ZNF253: variants seen among roughly 807,000 people sequenced by gnomAD.
ZNF253 encodes the protein zinc finger protein 253.
A neutral mutation model predicts 11.9 loss-of-function variants in ZNF253; 8 were observed. The observed-to-expected ratio is 0.67, with a 90% CI of 0.40 to 1.22. ZNF253 has a LOEUF of 1.22. Ranked by LOEUF, ZNF253 falls within the 50% of genes most tolerant of loss-of-function variation. The pLI, the probability that ZNF253 is intolerant of heterozygous loss-of-function variation, is 0.01. For synonymous variants in ZNF253, 194 were observed against 194.9 expected (o/e 1.00, Z 0.04); for missense variants, 485 against 586.9 (o/e 0.83, Z 1.79).
chr19:19,879,996 G>A, intron 2 of ZNF253, 55 bp from the exon 3 acceptor site: 1 of 1,282,530 alleles, frequency 7.8e-7, no homozygotes, highest in East Asian at 2.5e-5. Context: ...CACAGTACTA[G>A]CTTGTAATGG....
At chr19:19,876,183 G>A (rs2063155242) in intron 1 of ZNF253, among the ~76,000 whole-genome samples, 1 of 152,172 alleles carries the variant, frequency 6.6e-6, no homozygotes, top group African/African-American at 2.4e-5. Flanking sequence ...CCCAGGGGGA[G>A]CAACATCAGC....
intron 3 of ZNF253, among the ~76,000 whole-genome samples, chr19:19,882,136 C>G (rs1426935440): frequency 6.6e-6 from 1 of 151,488 alleles, no homozygotes; most frequent in East Asian, 1.9e-4. Flanking sequence ...TTGCAGTGAG[C>G]CAAGATCACA....
At chr19:19,881,766 T>C (rs2063178808) in intron 3 of ZNF253, among the ~76,000 whole-genome samples, 1 of 152,174 alleles carries the variant, frequency 6.6e-6, no homozygotes, top group African/African-American at 2.4e-5. Context: ...ATACTGTTTA[T>C]GGTTTTTTAA....
chr19:19,878,763 AT>A, intron 2 of ZNF253, 156 bp downstream of exon 2: 1 of 694,506 alleles, frequency 1.4e-6, no homozygotes, highest in Non-Finnish European at 2.2e-6. Context: ...TTTCTGTATA[AT>A]TTTTATTATG....
intron 3 of ZNF253, among the ~76,000 whole-genome samples, chr19:19,883,381 G>T (rs1244306776): frequency 6.6e-6 from 1 of 152,106 alleles, no homozygotes; most frequent in East Asian, 1.9e-4. Context: ...CGAGGCCAAG[G>T]CAGGAGGATC....
intron 1 of ZNF253, among the ~76,000 whole-genome samples, chr19:19,873,970 G>A (rs58013871): frequency 0.15 from 23,329 of 151,686 alleles, 4,085 homozygotes; most frequent in African/African-American, 0.43. Flanking sequence ...GTGCAATGGC[G>A]GGATCTCAGC....
chr19:19,869,446 C>G (rs1459575911), intron 1 of ZNF253, among the ~76,000 whole-genome samples: 1 of 151,644 alleles, frequency 6.6e-6, no homozygotes, highest in Non-Finnish European at 1.5e-5. Context: ...CTCAGGCAAA[C>G]TCTGCCTCCC....
chr19:19,876,039 C>T (rs1288359815), intron 1 of ZNF253, among the ~76,000 whole-genome samples: 1 of 152,106 alleles, frequency 6.6e-6, no homozygotes, highest in Non-Finnish European at 1.5e-5. Flanking sequence ...TTTAAAGAGC[C>T]AGCAAAGAAT....
Position 19,880,082 on chromosome 19 carries a change from C to G in ZNF253, c.162C>G (p.Thr54=), listed in dbSNP as rs1294598710. 1 of 1,607,508 alleles carries G rather than the reference C, an allele frequency of 6.2e-7. No individual in the cohort carries two copies. The highest frequency in any genetic ancestry group is 1.1e-5 in the South Asian group (1 of 90,076). ...TTGTCTCTAAGCCAGACCTGGTTAC[C>G]TGTCTGGAGCAAGGAAAAAAACCTT... The part of the protein sequence containing the change: ...GIVVSKPDLV[T]CLEQGKKPLT... Residue 54 remains threonine (T), a synonymous_variant, in exon 3 of 4, where the codon ACC becomes ACG. Coordinates refer to ENST00000589717, the MANE Select transcript of ZNF253 (RefSeq NM_021047.3).
chr19:19,887,377 A>G (rs192050156), intron 3 of ZNF253, among the ~76,000 whole-genome samples: 14 of 151,864 alleles, frequency 9.2e-5, no homozygotes, highest in Non-Finnish European at 1.5e-4. Flanking sequence ...GCTCACTGCA[A>G]CCTATGCTTC....
At chr19:19,889,805 AATTTTTGT>A (rs2063221239) in intron 3 of ZNF253, among the ~76,000 whole-genome samples, 1 of 150,822 alleles carries the variant, frequency 6.6e-6, no homozygotes, top group Non-Finnish European at 1.5e-5. Flanking sequence ...ACGCCCAGCT[AATTTTTGT>A]ATTTTTAGTA....
At chr19:19,868,595 TC>T (rs1019917398) in intron 1 of ZNF253, among the ~76,000 whole-genome samples, 4 of 152,038 alleles carry the variant, frequency 2.6e-5, no homozygotes, top group Non-Finnish European at 5.9e-5. Context: ...TTCTGCTTTT[TC>T]CCCCATAAGC....
intron 1 of ZNF253, among the ~76,000 whole-genome samples, chr19:19,878,023 G>T (rs1270841283): frequency 6.6e-6 from 1 of 151,968 alleles, no homozygotes; most frequent in East Asian, 1.9e-4. Flanking sequence ...CATTAGAGAT[G>T]AGCTTGTCAG....
In ZNF253 at chr19:19,892,046, C is replaced by G. The variant is rs200428819; in HGVS notation, c.799C>G (p.Arg267Gly). ...KCEECGKAFN[R>G]STDLTTHKIV... ...TGAAGAATGTGGCAAAGCCTTCAAC[C>G]GATCCACAGACCTTACTACACATAA... Residue 267 changes from arginine to glycine, a missense_variant, in exon 4 of 4, where the codon CGA becomes GGA. Around this residue, in one of 3 missense-constraint regions of ZNF253, gnomAD observed 232 missense variants for 321.4 expected, o/e 0.72. Transcript: ENST00000589717. The G allele has an allele frequency of 6.2e-7, 1 of 1,613,216 alleles. No homozygotes were observed. The highest frequency in any genetic ancestry group is 8.5e-7 in the Non-Finnish European group (1 of 1,179,858).
At chr19:19,886,289 A>C (rs1157081020) in intron 3 of ZNF253, among the ~76,000 whole-genome samples, 5 of 152,222 alleles carry the variant, frequency 3.3e-5, no homozygotes, top group Non-Finnish European at 5.9e-5. Context: ...CACTGTTCCC[A>C]GTATTTTAAA....
At chr19:19,883,199 T>G (rs1428655569) in intron 3 of ZNF253, among the ~76,000 whole-genome samples, 3 of 152,192 alleles carry the variant, frequency 2.0e-5, no homozygotes, top group African/African-American at 7.2e-5. Flanking sequence ...AAAGCACTTT[T>G]GTGATTTGAA....
chr19:19,877,658 A>G (rs2063161162), intron 1 of ZNF253, among the ~76,000 whole-genome samples: 1 of 152,202 alleles, frequency 6.6e-6, no homozygotes, highest in Non-Finnish European at 1.5e-5. Flanking sequence ...TACAGGCGTG[A>G]GCCACCATGC....
At chr19:19,883,619 G>A (rs866563194) in intron 3 of ZNF253, among the ~76,000 whole-genome samples, 11 of 152,130 alleles carry the variant, frequency 7.2e-5, no homozygotes, top group Non-Finnish European at 1.0e-4. Flanking sequence ...TATTCACACT[G>A]TTATGCAAAA....
chr19:19,892,380 A>C lies in ZNF253; in HGVS notation c.1133A>C (p.Asn378Thr). The stretch of plus-strand genomic sequence containing the variant: ...TGTAGAGAATGTGGCAAAGCTTTTA[A>C]CCATTCCACAACCCTTTTTTCACAT... ...YRCRECGKAF[N>T]HSTTLFSHEK... Residue 378 changes from asparagine (N) to threonine (T), a missense_variant, in exon 4 of 4, where the codon AAC (asparagine) becomes ACC (threonine). By Grantham distance (65) the Asn-to-Thr change is moderately conservative. Coordinates refer to ENST00000589717, the MANE Select transcript of ZNF253 (RefSeq NM_021047.3). 6.2e-7 allele frequency: 1 copy of C among 1,613,990 alleles called. No homozygotes were observed. The highest frequency in any genetic ancestry group is 8.5e-7 in the Non-Finnish European group (1 of 1,179,976).
Sources: gnomAD v4.1 joint callset for allele counts (sites outside exome capture counted in the v4.1 genomes callset) on GRCh38, gnomAD v4.1.1 for gene constraint, gnomAD v4.1.1 regional missense constraint, MANE v1.5 for transcripts, NCBI Gene and HGNC (gene_info 2026-07-23, HGNC 2026-07-21) for gene names.